The following FRMD5 variants were observed in gnomAD, a reference collection of about 807,000 sequenced individuals.
FRMD5 encodes FERM domain-containing protein 5.
A neutral mutation model predicts 69.0 loss-of-function variants in FRMD5; 20 were observed. The observed-to-expected ratio is 0.29, with a 90% CI of 0.20 to 0.42. The LOEUF is 0.42. Ranked by LOEUF, FRMD5 falls within the 10% of genes least tolerant of loss-of-function variation. The pLI, the probability that FRMD5 is intolerant of heterozygous loss-of-function variation, is 1.00. For synonymous variants in FRMD5, 271 were observed against 260.1 expected (o/e 1.04, Z -0.40); for missense variants, 595 against 708.6 (o/e 0.84, Z 1.82).
At chr15:43,999,971 T>TGCC (rs1555392742) in intron 1 of FRMD5, among the ~76,000 whole-genome samples, 8 of 53,054 alleles carry the variant, frequency 1.5e-4, no homozygotes, top group Admixed American at 4.1e-4. Flanking sequence ...TATATATATA[T>TGCC]ATATATATAT....
intron 1 of FRMD5, among the ~76,000 whole-genome samples, chr15:43,988,380 A>G (rs1368860753): frequency 1.3e-5 from 2 of 151,702 alleles, no homozygotes; most frequent in Non-Finnish European, 2.9e-5. Flanking sequence ...TTAGCAACGA[A>G]GTGTTTTTTA....
At chr15:44,038,519 G>GTTTTTTTTTT (rs1413448995) in intron 1 of FRMD5, among the ~76,000 whole-genome samples, 8 of 8,636 alleles carry the variant, frequency 9.3e-4, no homozygotes, top group Non-Finnish European at 1.8e-3. Flanking sequence ...GCTAGCCAGA[G>GTTTTTTTTTT]CTTTTTTTTT....
intron 1 of FRMD5, among the ~76,000 whole-genome samples, chr15:44,072,728 A>G (rs1893593316): frequency 6.6e-6 from 1 of 152,226 alleles, no homozygotes. Context: ...TTATGATTCT[A>G]GATGGCAAAT....
intron 1 of FRMD5, chr15:43,989,187 C>T: frequency 3.5e-6 from 3 of 856,966 alleles, no homozygotes; most frequent in Non-Finnish European, 6.1e-6. Context: ...AGTACTTGCG[C>T]TTGGGAGGAG....
intron 8 of FRMD5, among the ~76,000 whole-genome samples, chr15:43,890,188 T>C (rs146524024): frequency 6.6e-6 from 1 of 152,262 alleles, no homozygotes; most frequent in African/African-American, 2.4e-5. Context: ...GGTTAATATA[T>C]AGACAAGCAC....
At chr15:44,119,474 T>C (rs1436211573) in intron 1 of FRMD5, among the ~76,000 whole-genome samples, 1 of 152,204 alleles carries the variant, frequency 6.6e-6, no homozygotes. Flanking sequence ...GTTTAAACTT[T>C]ATTTTAGGCA....
At chr15:43,874,926 G>A (rs1042493761) in intron 13 of FRMD5, among the ~76,000 whole-genome samples, 8 of 151,608 alleles carry the variant, frequency 5.3e-5, no homozygotes, top group African/African-American at 1.2e-4. Context: ...AAGGCTGGGC[G>A]TGGTGCCTCA....
chr15:43,891,133 A>G (rs567692748), intron 8 of FRMD5, among the ~76,000 whole-genome samples: 5 of 152,330 alleles, frequency 3.3e-5, no homozygotes. Flanking sequence ...CAGAAATCAC[A>G]AGAGCTTAGT....
intron 1 of FRMD5, among the ~76,000 whole-genome samples, chr15:44,131,624 T>C (rs1270078297): frequency 6.6e-6 from 1 of 152,148 alleles, no homozygotes; most frequent in Non-Finnish European, 1.5e-5. Flanking sequence ...AGGAAGGAAA[T>C]TCTGACGTAT....
chr15:44,150,377 C>T (rs111713851), intron 1 of FRMD5, among the ~76,000 whole-genome samples: 28 of 149,950 alleles, frequency 1.9e-4, no homozygotes, highest in East Asian at 7.8e-4. Context: ...TGTTTACTGA[C>T]GATATATAAT....
At chr15:43,891,043 G>A (rs1377524331) in intron 8 of FRMD5, among the ~76,000 whole-genome samples, 1 of 152,188 alleles carries the variant, frequency 6.6e-6, no homozygotes, top group East Asian at 1.9e-4. Flanking sequence ...GAGCTCTGCT[G>A]GACCAAGGGA....
At chr15:44,167,044 G>C (rs978916007) in intron 1 of FRMD5, among the ~76,000 whole-genome samples, 3 of 151,928 alleles carry the variant, frequency 2.0e-5, no homozygotes, top group African/African-American at 7.3e-5. Flanking sequence ...TTTTTTCTGA[G>C]ACTTCTATTT....
At chr15:44,113,737 A>T (rs1372345926) in intron 1 of FRMD5, among the ~76,000 whole-genome samples, 1 of 152,110 alleles carries the variant, frequency 6.6e-6, no homozygotes, top group Non-Finnish European at 1.5e-5. Context: ...TCTAGTAATC[A>T]TCTTACTAGC....
intron 1 of FRMD5, among the ~76,000 whole-genome samples, chr15:44,008,870 C>T (rs896570585): frequency 2.6e-5 from 4 of 151,996 alleles, no homozygotes; most frequent in East Asian, 1.9e-4. Flanking sequence ...ACTAAAAATC[C>T]GAAAAATATG....
chr15:44,001,733 A>G (rs1262299481), intron 1 of FRMD5, among the ~76,000 whole-genome samples: 1 of 151,904 alleles, frequency 6.6e-6, no homozygotes, highest in East Asian at 1.9e-4. Flanking sequence ...CAGCCCCCCA[A>G]GTAGCTGGGA....
rs185330087 is a variant in FRMD5, at chr15:44,021,177, T to C, written c.103-96868A>G. Among the ~76,000 whole-genome samples the C allele has an allele frequency of 3.9e-5, 6 of 152,180 alleles. No homozygotes were observed. The East Asian group carries it at 9.7e-4, about 25-fold the overall frequency. ...GGTGTGCATCTGTGGTCCCATCTACTCGGGAGGCTGAGATGGGAGGATTGC... is the reference window on the plus strand; with the variant it reads ...GGTGTGCATCTGTGGTCCCATCTACCCGGGAGGCTGAGATGGGAGGATTGC... On this transcript the variant is annotated intron_variant, in intron 1 of 13. Transcript: ENST00000417257.
rs111800696 is a variant in FRMD5, at chr15:44,178,589, T to A, written c.102+16364A>T. Among the ~76,000 whole-genome samples the A allele has an allele frequency of 3.9e-3, 597 of 152,304 alleles. 5 individuals carry two copies. Among genetic ancestry groups the A allele is most frequent in the African/African-American group, 0.013 (559 of 41,564 alleles). On this transcript the variant is annotated intron_variant, in intron 1 of 13. Coordinates refer to ENST00000417257, the MANE Select transcript of FRMD5 (RefSeq NM_032892.5). ...TTGGAATTCGGGATCAATGTTAGAA[T>A]GAGTCCTCCCTCTGAAAGGTGAACT...
At chr15:44,156,889 A>G (rs1477499726) in intron 1 of FRMD5, among the ~76,000 whole-genome samples, 1 of 152,126 alleles carries the variant, frequency 6.6e-6, no homozygotes, top group Non-Finnish European at 1.5e-5. Flanking sequence ...CAACATAGAG[A>G]GATTTTGTCC....
chr15:44,083,766 CAG>C (rs1350425094), intron 1 of FRMD5, among the ~76,000 whole-genome samples: 1 of 151,968 alleles, frequency 6.6e-6, no homozygotes, highest in East Asian at 1.9e-4. Context: ...TAAAAGCAAA[CAG>C]AGAAAAGACA....
Sources: allele counts gnomAD v4.1 joint callset (sites outside exome capture counted in the v4.1 genomes callset), GRCh38; gene constraint gnomAD v4.1.1; transcripts MANE v1.5; gene names NCBI Gene and HGNC (gene_info 2026-07-23, HGNC 2026-07-21).